Variants in DPH6 observed in about 807,000 individuals in gnomAD.
DPH6 encodes diphthine--ammonia ligase.
In DPH6, 33 loss-of-function variants were observed where a neutral mutation model predicts 38.2. That is an observed-to-expected ratio of 0.86 (90% CI 0.65 to 1.15). The LOEUF is 1.15. DPH6 is among the 50% of genes most tolerant of loss of function. DPH6 has a pLI of 0.00. For missense variants in DPH6, 325 were observed against 320.0 expected (o/e 1.02, Z -0.12); for synonymous variants, 108 against 103.0 (o/e 1.05, Z -0.30).
chr15:35,353,927 C>T (rs1298784608), intron 3 of DPH6, among the ~76,000 whole-genome samples: 1 of 152,148 alleles, frequency 6.6e-6, no homozygotes, highest in African/African-American at 2.4e-5. Context: ...GAATGTTCTT[C>T]CATTTATTTG....
chr15:35,162,087 T>C, the DPH6 span, among the ~76,000 whole-genome samples: 2 of 151,916 alleles, frequency 1.3e-5, no homozygotes, highest in African/African-American at 4.8e-5. Flanking sequence ...GCATCTTGAT[T>C]ATTTCTTGCC....
intron 5 of DPH6, among the ~76,000 whole-genome samples, chr15:35,421,685 G>C (rs1219185961): frequency 6.6e-6 from 1 of 152,090 alleles, no homozygotes; most frequent in Non-Finnish European, 1.5e-5. Flanking sequence ...AGTGTCTGAA[G>C]GTGGAAGAGT....
At chr15:35,226,165 A>G (rs2051479304) in intron 3 of DPH6, among the ~76,000 whole-genome samples, 2 of 152,110 alleles carry the variant, frequency 1.3e-5, no homozygotes, top group Non-Finnish European at 2.9e-5. Flanking sequence ...TTATTATAGA[A>G]ATAACAGAAC....
chr15:35,347,281 C>A (rs190066331), intron 3 of DPH6, among the ~76,000 whole-genome samples: 9 of 152,108 alleles, frequency 5.9e-5, no homozygotes, highest in Non-Finnish European at 1.2e-4. Context: ...GCATAATGTC[C>A]TCAAGGTTTA....
In DPH6 at chr15:35,531,150, A is replaced by G. The variant is rs986412072; in HGVS notation, c.312+7124T>C. 5.3e-5 allele frequency among the ~76,000 whole-genome samples: 8 copies of G among 152,272 alleles called. No homozygotes were observed. The South Asian group carries it at 1.7e-3, about 32-fold the overall frequency. The stretch of plus-strand genomic sequence containing the variant: ...AGATTTGCCTCAGAGCCACCCAACA[A>G]TCTCAGGTTTTTCCCTCATGAAGTG... On this transcript the variant is annotated intron_variant, in intron 3 of 8. Coordinates refer to ENST00000256538, the MANE Select transcript of DPH6 (RefSeq NM_080650.4).
At chr15:35,455,566 T>C (rs2053985819) in intron 3 of DPH6, among the ~76,000 whole-genome samples, 2 of 152,196 alleles carry the variant, frequency 1.3e-5, no homozygotes, top group Non-Finnish European at 2.9e-5. Flanking sequence ...ATCAAGTACA[T>C]GGATGGATTA....
intron 3 of DPH6, among the ~76,000 whole-genome samples, chr15:35,281,495 C>G (rs1947581870): frequency 6.6e-6 from 1 of 152,044 alleles, no homozygotes; most frequent in Non-Finnish European, 1.5e-5. Flanking sequence ...AAGAAAATGA[C>G]CAAAAGGAGA....
At chr15:35,352,082 A>C (rs1370710220) in intron 3 of DPH6, among the ~76,000 whole-genome samples, 1 of 152,132 alleles carries the variant, frequency 6.6e-6, no homozygotes, top group Non-Finnish European at 1.5e-5. Flanking sequence ...AGTTATTCTG[A>C]CTACTTCTGT....
the DPH6 span, among the ~76,000 whole-genome samples, chr15:35,194,106 C>G: frequency 6.6e-6 from 1 of 152,072 alleles, no homozygotes; most frequent in Non-Finnish European, 1.5e-5. Flanking sequence ...GTTAAAAATA[C>G]TCATTTACTT....
the DPH6 span, among the ~76,000 whole-genome samples, chr15:35,157,304 C>G: frequency 6.6e-6 from 1 of 152,078 alleles, no homozygotes; most frequent in Non-Finnish European, 1.5e-5. Context: ...AAATTCAGAA[C>G]TTCATAAATA....
At chr15:35,446,526 C>G (rs1759642083) in intron 5 of DPH6, among the ~76,000 whole-genome samples, 1 of 152,080 alleles carries the variant, frequency 6.6e-6, no homozygotes, top group Non-Finnish European at 1.5e-5. Flanking sequence ...GCCTCTCTTC[C>G]TTATAATTGT....
chr15:35,253,236 G>A (rs557009971), intron 3 of DPH6, among the ~76,000 whole-genome samples: 16 of 152,306 alleles, frequency 1.1e-4, no homozygotes, highest in African/African-American at 3.8e-4. Context: ...TTCTGCCAAT[G>A]AAATTAAATA....
intron 7 of DPH6, among the ~76,000 whole-genome samples, chr15:35,379,693 TC>T (rs1234305829): frequency 6.6e-6 from 1 of 152,226 alleles, no homozygotes; most frequent in African/African-American, 2.4e-5. Context: ...ATATCCTTTT[TC>T]TGCCAAATGA....
chr15:35,419,678 T>A lies in DPH6; in HGVS notation c.506-8782A>T, dbSNP rs183909238. ...AACCTTAGACAGAATAGGTTTTAGG[T>A]CGAAAACTGTAAAAAGGACAATAAA... On this transcript the variant is annotated intron_variant, in intron 5 of 8. Coordinates refer to ENST00000256538, the MANE Select transcript of DPH6 (RefSeq NM_080650.4). 2.7e-3 allele frequency among the ~76,000 whole-genome samples: 417 copies of A among 152,038 alleles called. 4 individuals are homozygous for A. Among genetic ancestry groups the A allele is most frequent in the Non-Finnish European group, 5.1e-3 (346 of 67,940 alleles).
chr15:35,402,319 C>A (rs578142546), intron 6 of DPH6, among the ~76,000 whole-genome samples: 2 of 152,084 alleles, frequency 1.3e-5, no homozygotes, highest in African/African-American at 4.8e-5. Flanking sequence ...AAAGGGATTA[C>A]CCAAGCAAAA....
chr15:35,208,983 G>A, the DPH6 span, among the ~76,000 whole-genome samples: 1 of 152,056 alleles, frequency 6.6e-6, no homozygotes, highest in South Asian at 2.1e-4. Context: ...CTTTTTAAAT[G>A]TGTCATCCTC....
chr15:35,305,558 A>C (rs2052083893), intron 3 of DPH6, among the ~76,000 whole-genome samples: 1 of 152,086 alleles, frequency 6.6e-6, no homozygotes, highest in Admixed American at 6.6e-5. Flanking sequence ...ACTTGCCATA[A>C]AACCACCTGT....
At chr15:35,535,009 C>T (rs1467532937) in intron 3 of DPH6, among the ~76,000 whole-genome samples, 1 of 152,140 alleles carries the variant, frequency 6.6e-6, no homozygotes, top group Non-Finnish European at 1.5e-5. Context: ...TCACTATGGC[C>T]AGAAGAATGC....
chr15:35,295,889 G>A (rs144759821), intron 3 of DPH6, among the ~76,000 whole-genome samples: 15 of 151,800 alleles, frequency 9.9e-5, no homozygotes, highest in Non-Finnish European at 2.1e-4. Context: ...GAGTTGCCTT[G>A]AACATCATAT....
Sources: allele counts gnomAD v4.1 joint callset (sites outside exome capture counted in the v4.1 genomes callset), GRCh38; gene constraint gnomAD v4.1.1; transcripts MANE v1.5; gene names NCBI Gene and HGNC (gene_info 2026-07-23, HGNC 2026-07-21).